GLIS1: variants seen among roughly 807,000 people sequenced by gnomAD.
GLIS1 encodes the protein GLIS family zinc finger 1.
GLIS1 carries 24 observed loss-of-function variants against 63.8 expected under a neutral mutation model. The observed-to-expected ratio is 0.38, with a 90% CI of 0.27 to 0.53. The LOEUF is 0.53. Ranked by LOEUF, GLIS1 falls within the 20% of genes least tolerant of loss-of-function variation. The pLI is 0.85. For missense variants in GLIS1, 1,036 were observed against 1,074.1 expected, an observed-to-expected ratio of 0.96 and a Z score of 0.50; for synonymous variants, 450 against 482.5, an observed-to-expected ratio of 0.93 and a Z score of 0.88.
chr1:53,698,674 C>T lies in GLIS1; in HGVS notation c.259+39132G>A, dbSNP rs543100460. Among the ~76,000 whole-genome samples, 14 of 152,346 alleles carry T rather than the reference C, an allele frequency of 9.2e-5. 1 individual carries two copies. In the South Asian group the frequency reaches 1.7e-3, roughly 18 times the overall value. Reference sequence around the variant, plus strand: ...GACCGAGGCTGCTGCCAGAAGAGAGCCACTTCCTGAAAGGTCCATGGGCAG... The same window carrying T: ...GACCGAGGCTGCTGCCAGAAGAGAGTCACTTCCTGAAAGGTCCATGGGCAG... On this transcript the variant is annotated intron_variant, in intron 2 of 10. Coordinates refer to ENST00000628545, the MANE Select transcript of GLIS1 (RefSeq NM_001367484.1).
intron 10 of GLIS1, among the ~76,000 whole-genome samples, chr1:53,508,656 C>A (rs1569707429): frequency 6.6e-6 from 1 of 152,154 alleles, no homozygotes; most frequent in Non-Finnish European, 1.5e-5. Flanking sequence ...CAGGGCCCTG[C>A]AGGGCAACAC....
At chr1:53,702,200 A>C (rs1316963434) in intron 2 of GLIS1, among the ~76,000 whole-genome samples, 1 of 151,978 alleles carries the variant, frequency 6.6e-6, no homozygotes, top group Non-Finnish European at 1.5e-5. Context: ...TGGGGTCAGA[A>C]GGGGCTATGG....
chr1:53,560,497 CT>C lies in GLIS1; in HGVS notation c.1321-30546del, dbSNP rs1644875507. 6.6e-6 allele frequency among the ~76,000 whole-genome samples: 1 copy of C among 152,244 alleles called. No individual in the cohort carries two copies. The highest frequency in any genetic ancestry group is 1.5e-5 in the Non-Finnish European group (1 of 68,044). On this transcript the variant is annotated intron_variant, in intron 4 of 10. Transcript: ENST00000628545. The surrounding 1 kb of genome is among the most constrained non-coding windows in gnomAD (Gnocchi z 4.4). The stretch of plus-strand genomic sequence containing the variant: ...ACACGGAGCAAATATCTGTTTCCCC[CT>C]GGTGCCCACCAGTTAACCCTTCGTA...
chr1:53,652,237 C>G (rs1645916852), intron 2 of GLIS1, among the ~76,000 whole-genome samples: 1 of 152,190 alleles, frequency 6.6e-6, no homozygotes, highest in Non-Finnish European at 1.5e-5. Flanking sequence ...AGGTTGGGCC[C>G]CTTTCTTCCC....
intron 2 of GLIS1, among the ~76,000 whole-genome samples, chr1:53,707,533 C>T (rs1407822396): frequency 6.6e-6 from 1 of 151,976 alleles, no homozygotes; most frequent in Non-Finnish European, 1.5e-5. Flanking sequence ...GCCTGTAGTC[C>T]CAGCTACTCG....
chr1:53,662,971 G>C (rs1006532701), intron 2 of GLIS1, among the ~76,000 whole-genome samples: 1 of 152,204 alleles, frequency 6.6e-6, no homozygotes, highest in African/African-American at 2.4e-5. Flanking sequence ...CAGCTGATAA[G>C]CACTGGAGCC....
At chr1:53,590,626 C>T (rs1359230613) in intron 4 of GLIS1, among the ~76,000 whole-genome samples, 6 of 152,156 alleles carry the variant, frequency 3.9e-5, no homozygotes, top group Non-Finnish European at 7.3e-5. Context: ...TTGGAGTCGT[C>T]GCGTCAGTAT....
rs939536301 is a variant in GLIS1, at chr1:53,696,700, C to T, written c.259+41106G>A. ...CCGTGCAGCCAAGCAGAGCTCACTG[C>T]TGTCCTCATACGTGCTGTCTGCTTT... On this transcript the variant is annotated intron_variant, in intron 2 of 10. Coordinates refer to ENST00000628545, the MANE Select transcript of GLIS1 (RefSeq NM_001367484.1). 3.3e-5 allele frequency among the ~76,000 whole-genome samples: 5 copies of T among 152,122 alleles called. No homozygotes were observed. The East Asian group carries it at 9.6e-4, about 29-fold the overall frequency.
At chr1:53,690,076 T>C (rs1370627426) in intron 2 of GLIS1, among the ~76,000 whole-genome samples, 1 of 152,244 alleles carries the variant, frequency 6.6e-6, no homozygotes, top group East Asian at 1.9e-4. Flanking sequence ...CCTGGTGGCC[T>C]GCCCCCTCTG....
At chr1:53,711,449 CAAAT>C (rs996573735) in intron 2 of GLIS1, among the ~76,000 whole-genome samples, 7 of 152,092 alleles carry the variant, frequency 4.6e-5, no homozygotes, top group Non-Finnish European at 1.0e-4. Flanking sequence ...AATAAATAAA[CAAAT>C]AAATAAAAGC....
intron 4 of GLIS1, among the ~76,000 whole-genome samples, chr1:53,534,348 G>T (rs1194875188): frequency 6.6e-6 from 1 of 152,036 alleles, no homozygotes; most frequent in Non-Finnish European, 1.5e-5. Flanking sequence ...GAGTGCCACT[G>T]GGGCGGGGCC....
Position 53,735,820 on chromosome 1 carries a change from G to A in GLIS1, c.259+1986C>T, listed in dbSNP as rs185240902. 2.9e-3 allele frequency among the ~76,000 whole-genome samples: 438 copies of A among 152,244 alleles called. 4 individuals carry two copies. Among genetic ancestry groups the A allele is most frequent in the African/African-American group, 0.01 (422 of 41,544 alleles). ...GTTTCCTCGCAGCATTTTTAAGGAC[G>A]CTGAAGAACTGGGGGAAAGCTGGGT... On this transcript the variant is annotated intron_variant, in intron 2 of 10. Coordinates refer to ENST00000628545, the MANE Select transcript of GLIS1 (RefSeq NM_001367484.1).
At chr1:53,614,811 T>G (rs1050275317) in intron 2 of GLIS1, among the ~76,000 whole-genome samples, 12 of 150,990 alleles carry the variant, frequency 7.9e-5, no homozygotes, top group African/African-American at 2.5e-4. Flanking sequence ...CGCACACACA[T>G]GCACACACAT....
At chr1:53,657,914 C>T (rs1337099965) in intron 2 of GLIS1, among the ~76,000 whole-genome samples, 2 of 152,316 alleles carry the variant, frequency 1.3e-5, no homozygotes, top group South Asian at 4.1e-4. Context: ...TCTGTTCTCT[C>T]CCTTTCAGCC....
rs1645446303 is a variant in GLIS1, at chr1:53,613,400, G to T, written c.260-13122C>A. ...GCCTTAGGATAAATTCCTAGATGTG[G>T]GACTGCAGAGTCAAAGAATATGCAA... On this transcript the variant is annotated intron_variant, in intron 2 of 10. Coordinates refer to ENST00000628545, the MANE Select transcript of GLIS1 (RefSeq NM_001367484.1). Among the ~76,000 whole-genome samples the T allele has an allele frequency of 2.0e-5, 3 of 152,192 alleles. No homozygotes were observed. In the South Asian group the frequency reaches 6.2e-4, roughly 32 times the overall value.
intron 2 of GLIS1, among the ~76,000 whole-genome samples, chr1:53,620,123 G>C (rs966793473): frequency 3.9e-5 from 6 of 152,258 alleles, no homozygotes; most frequent in Admixed American, 3.3e-4. Flanking sequence ...AGGACACTGA[G>C]TTTGGGCAGT....
intron 2 of GLIS1, among the ~76,000 whole-genome samples, chr1:53,633,236 G>A (rs899633168): frequency 6.7e-5 from 10 of 149,658 alleles, no homozygotes; most frequent in Non-Finnish European, 1.5e-4. Flanking sequence ...TGACTGGAGG[G>A]GCGTGTGAAG....
intron 2 of GLIS1, among the ~76,000 whole-genome samples, chr1:53,615,819 C>T (rs1037041707): frequency 4.6e-5 from 7 of 152,016 alleles, no homozygotes; most frequent in African/African-American, 1.7e-4. Context: ...ACCATCTCGG[C>T]TCACTGCAAC....
At chr1:53,585,459 C>T (rs976625615) in intron 4 of GLIS1, among the ~76,000 whole-genome samples, 24 of 151,284 alleles carry the variant, frequency 1.6e-4, no homozygotes, top group African/African-American at 5.6e-4. Flanking sequence ...CATTGGTCCA[C>T]CCTGGCTCAG....
Sources: allele counts gnomAD v4.1 joint callset (sites outside exome capture counted in the v4.1 genomes callset), GRCh38; gene constraint gnomAD v4.1.1; non-coding constraint Gnocchi (gnomAD v3.1); transcripts MANE v1.5; gene names NCBI Gene and HGNC (gene_info 2026-07-23, HGNC 2026-07-21).